The following ZDHHC3 variants were observed in gnomAD, a reference collection of about 807,000 sequenced individuals.
The protein encoded by ZDHHC3 is palmitoyltransferase ZDHHC3.
In ZDHHC3, 9 loss-of-function variants were observed where a neutral mutation model predicts 30.6. The observed-to-expected ratio is 0.29, with a 90% confidence interval of 0.18 to 0.51. The LOEUF (loss-of-function observed/expected upper bound fraction) is 0.51, where lower values mean the gene tolerates loss of function less well. Ranked by LOEUF, ZDHHC3 falls within the 20% of genes least tolerant of loss-of-function variation. ZDHHC3 has a pLI of 0.97. For synonymous variants in ZDHHC3, 136 were observed against 140.2 expected (o/e 0.97, Z 0.21); for missense variants, 246 against 384.2 (o/e 0.64, Z 3.01).
chr3:44,918,450 G>A lies in ZDHHC3; in HGVS notation c.*8239C>T. ...CCTTCTTTCCTTCCACAAGTGCAAT[G>A]CCAGATGATGGGCAGGGGCTAGGCT... is the stretch of plus-strand genomic sequence containing the variant. On this transcript the variant is annotated 3_prime_UTR_variant, in exon 7 of 7. Coordinates refer to ENST00000424952, the MANE Select transcript of ZDHHC3 (RefSeq NM_001135179.2). 1 of 985,410 alleles carries A rather than the reference G, an allele frequency of 1.0e-6. No homozygotes were observed. Among genetic ancestry groups the A allele is most frequent in the Non-Finnish European group, 1.2e-6 (1 of 829,924 alleles). 61.0% of individuals were successfully genotyped at this position (985,410 alleles called of 1,614,324 possible).
In ZDHHC3 at chr3:44,927,257, T is replaced by C. The variant is rs966031149; in HGVS notation, c.742-410A>G. Among the ~76,000 whole-genome samples the C allele has an allele frequency of 3.9e-5, 6 of 152,206 alleles. No homozygotes were observed. In the East Asian group the frequency reaches 7.7e-4, roughly 20 times the overall value. On this transcript the variant is annotated intron_variant, in intron 6 of 6. Transcript: ENST00000424952. ...TTTGGCGTGAGAGGCCTCAGAGCTGTTGGGGAGCTCGCAATCATCATAACC... is the reference window on the plus strand; with the variant it reads ...TTTGGCGTGAGAGGCCTCAGAGCTGCTGGGGAGCTCGCAATCATCATAACC...
In ZDHHC3 at chr3:44,924,722, T is replaced by A; in HGVS notation, c.*1967A>T. On this transcript the variant is annotated 3_prime_UTR_variant, in exon 7 of 7. Coordinates refer to ENST00000424952, the MANE Select transcript of ZDHHC3 (RefSeq NM_001135179.2). The stretch of plus-strand genomic sequence containing the variant: ...GGCCAGAGCTGTAGCCCTGCTCTAG[T>A]TATTTAATACAATAACACTTCTTTC... The A allele has an allele frequency of 1.0e-6, 1 of 985,478 alleles. No homozygotes were observed. Among genetic ancestry groups the A allele is most frequent in the Non-Finnish European group, 1.2e-6 (1 of 829,936 alleles). The allele number at this position is 985,478 out of a possible 1,614,324, so 61.0% of individuals were successfully genotyped here.
intron 2 of ZDHHC3, among the ~76,000 whole-genome samples, chr3:44,958,421 A>T (rs897097997): frequency 3.9e-5 from 6 of 152,128 alleles, no homozygotes; most frequent in African/African-American, 9.7e-5. Context: ...AAGCCACAGG[A>T]GGTCTTTATC....
Position 44,923,727 on chromosome 3 carries a change from CAG to C in ZDHHC3, c.*2960_*2961del. Reference sequence around the variant, plus strand: ...CCAAGGCACAAGAATCACTTGAGCCCAGGAGTTCAAGGCTGCAGTGAGCTCTA... The same window carrying C: ...CCAAGGCACAAGAATCACTTGAGCCCGAGTTCAAGGCTGCAGTGAGCTCTA... On this transcript the variant is annotated 3_prime_UTR_variant, in exon 7 of 7. Transcript: ENST00000424952. 1.1e-6 allele frequency: 1 copy of C among 876,160 alleles called. No homozygotes were observed. Among genetic ancestry groups the C allele is most frequent in the South Asian group, 5.3e-5 (1 of 18,994 alleles). 54.3% of individuals were successfully genotyped at this position (876,160 alleles called of 1,614,324 possible).
rs1300043897 is a variant in ZDHHC3, at chr3:44,920,290, G to T, written c.*6399C>A. 7.8e-7 allele frequency: 1 copy of T among 1,289,878 alleles called. No homozygotes were observed. Among genetic ancestry groups the T allele is most frequent in the Non-Finnish European group, 1.0e-6 (1 of 988,890 alleles). The allele number at this position is 1,289,878 out of a possible 1,614,324, so 79.9% of individuals were successfully genotyped here. ...ACAGAAGCAGTGACCAGCTGAGATG[G>T]TTTGCTTTGGGCATTCTGCATTCTC... On this transcript the variant is annotated 3_prime_UTR_variant, in exon 7 of 7. Transcript: ENST00000424952.
chr3:44,965,214 G>A (rs138966251), intron 1 of ZDHHC3, among the ~76,000 whole-genome samples: 2 of 152,268 alleles, frequency 1.3e-5, no homozygotes, highest in African/African-American at 4.8e-5. Flanking sequence ...AAAACTGCCT[G>A]TGGTCCAGAG....
chr3:44,962,272 G>A (rs1704541678), intron 1 of ZDHHC3, among the ~76,000 whole-genome samples: 1 of 152,170 alleles, frequency 6.6e-6, no homozygotes, highest in African/African-American at 2.4e-5. Context: ...AATATTCAGA[G>A]TGGTTGCATT....
At chr3:44,949,530 CAA>C (rs1703250704) in intron 2 of ZDHHC3, among the ~76,000 whole-genome samples, 1 of 152,054 alleles carries the variant, frequency 6.6e-6, no homozygotes, top group South Asian at 2.1e-4. Flanking sequence ...GTGGCTTTTG[CAA>C]AGAGGAAATG....
chr3:44,945,040 T>G, intron 3 of ZDHHC3, 128 bp downstream of exon 3: 1 of 1,367,026 alleles, frequency 7.3e-7, no homozygotes, highest in Non-Finnish European at 1.0e-6. Flanking sequence ...GCAGGGGACA[T>G]TTGGAATCCC....
At chr3:44,934,099 AC>A in intron 3 of ZDHHC3, 115 bp from the exon 4 acceptor site, 1 of 1,021,730 alleles carries the variant, frequency 9.8e-7, no homozygotes, top group Non-Finnish European at 1.5e-6. Context: ...TTCCTTGGGC[AC>A]TGCCAGGGGT....
At position 44,923,152 on chromosome 3, in the gene ZDHHC3, T is replaced by C. The variant is rs534089389; in HGVS notation, c.*3537A>G. 8.6e-5 allele frequency: 80 copies of C among 930,346 alleles called. 1 individual carries two copies. The South Asian group carries it at 3.6e-3, about 42-fold the overall frequency. 57.6% of individuals were successfully genotyped at this position (930,346 alleles called of 1,614,324 possible). On this transcript the variant is annotated 3_prime_UTR_variant, in exon 7 of 7. Coordinates refer to ENST00000424952, the MANE Select transcript of ZDHHC3 (RefSeq NM_001135179.2). ...GTGCAGTGGTGCGATCTTGGCTCACTGCAAGCTCCACTTCCCGGGTTCACG... is the reference window on the plus strand; with the variant it reads ...GTGCAGTGGTGCGATCTTGGCTCACCGCAAGCTCCACTTCCCGGGTTCACG...
intron 1 of ZDHHC3, among the ~76,000 whole-genome samples, chr3:44,960,059 AG>A (rs529181338): frequency 6.6e-4 from 100 of 152,314 alleles, no homozygotes; most frequent in Non-Finnish European, 1.1e-3. Flanking sequence ...CACGGCACCC[AG>A]GCCAGCCTGG....
At position 44,923,300 on chromosome 3, in the gene ZDHHC3, T is replaced by C; in HGVS notation, c.*3389A>G. On this transcript the variant is annotated 3_prime_UTR_variant, in exon 7 of 7. Coordinates refer to ENST00000424952, the MANE Select transcript of ZDHHC3 (RefSeq NM_001135179.2). ...ACCGTGTTAGCCAGGATGATCTCGA[T>C]CTCTTGACCTCGTGATCTGCCCGCC... The C allele has an allele frequency of 1.0e-6, 1 of 959,822 alleles. No individual in the cohort carries two copies. Among genetic ancestry groups the C allele is most frequent in the South Asian group, 4.8e-5 (1 of 20,754 alleles). 59.5% of individuals were successfully genotyped at this position (959,822 alleles called of 1,614,324 possible). A position where few individuals can be genotyped will look rare whatever the true frequency, so the allele number is the denominator to read the frequency against.
intron 2 of ZDHHC3, among the ~76,000 whole-genome samples, chr3:44,958,908 A>G (rs1183059784): frequency 6.6e-6 from 1 of 152,228 alleles, no homozygotes; most frequent in Non-Finnish European, 1.5e-5. Flanking sequence ...TACTTATAGT[A>G]TCATTTAACC....
intron 4 of ZDHHC3, chr3:44,933,518 G>T: frequency 1.9e-6 from 1 of 538,232 alleles, no homozygotes; most frequent in Admixed American, 3.3e-5. Context: ...CCCTTGAAAA[G>T]CCAGGGTGCT....
At position 44,915,308 on chromosome 3, in the gene ZDHHC3, C is replaced by G. The variant is rs1700088496; in HGVS notation, c.*11381G>C. 1 of 152,224 alleles carries G rather than the reference C, an allele frequency of 6.6e-6. No individual in the cohort carries two copies. The highest frequency in any genetic ancestry group is 6.5e-5 in the Admixed American group (1 of 15,280). 9.4% of individuals were successfully genotyped at this position (152,224 alleles called of 1,614,324 possible). A position where few individuals can be genotyped will look rare whatever the true frequency, so the allele number is the denominator to read the frequency against. The stretch of plus-strand genomic sequence containing the variant: ...TATTCAAAGAAAGAGGCAAATTGCA[C>G]CCAATCTCTCTCCCTGTAAGATCTC... On this transcript the variant is annotated 3_prime_UTR_variant, in exon 7 of 7. Coordinates refer to ENST00000424952, the MANE Select transcript of ZDHHC3 (RefSeq NM_001135179.2).
At chr3:44,964,626 GGCAAGA>G in intron 1 of ZDHHC3, among the ~76,000 whole-genome samples, 1 of 152,304 alleles carries the variant, frequency 6.6e-6, no homozygotes, top group Non-Finnish European at 1.5e-5. Context: ...CTCATGCTGT[GGCAAGA>G]CCACTCTAGA....
Position 44,917,269 on chromosome 3 carries a change from C to CCGCA in ZDHHC3, c.*9419_*9420insTGCG. 1 of 155,692 alleles carries CCGCA rather than the reference C, an allele frequency of 6.4e-6. No individual in the cohort carries two copies. Among genetic ancestry groups the CCGCA allele is most frequent in the Admixed American group, 6.1e-5 (1 of 16,354 alleles). 9.6% of individuals were successfully genotyped at this position (155,692 alleles called of 1,614,324 possible). A position where few individuals can be genotyped will look rare whatever the true frequency, so the allele number is the denominator to read the frequency against. On this transcript the variant is annotated 3_prime_UTR_variant, in exon 7 of 7. Coordinates refer to ENST00000424952, the MANE Select transcript of ZDHHC3 (RefSeq NM_001135179.2). ...TGTGTGTAGAGCTTAATGCAGGGTCCTCTTTGAACCATGCCTGGCCCTTGC... is the reference window on the plus strand; with the variant it reads ...TGTGTGTAGAGCTTAATGCAGGGTCCCGCATCTTTGAACCATGCCTGGCCCTTGC...
chr3:44,947,083 T>C (rs1703008358), intron 2 of ZDHHC3, among the ~76,000 whole-genome samples: 1 of 152,140 alleles, frequency 6.6e-6, no homozygotes, highest in Non-Finnish European at 1.5e-5. Flanking sequence ...GAGATCTGAA[T>C]CTACAAATGA....
Sources: allele counts gnomAD v4.1 joint callset (sites outside exome capture counted in the v4.1 genomes callset), GRCh38; gene constraint gnomAD v4.1.1; transcripts MANE v1.5; gene names NCBI Gene and HGNC (gene_info 2026-07-23, HGNC 2026-07-21).